FCHO2: variants seen among roughly 807,000 people sequenced by gnomAD.
The protein encoded by FCHO2 is FCH and mu domain containing endocytic adaptor 2.
A neutral mutation model predicts 114.1 loss-of-function variants in FCHO2; 43 were observed. That is an observed-to-expected ratio of 0.38 (90% CI 0.30 to 0.49). The LOEUF (loss-of-function observed/expected upper bound fraction) is 0.49, where lower values mean the gene tolerates loss of function less well. Ranked by LOEUF, FCHO2 falls within the 20% of genes least tolerant of loss-of-function variation. FCHO2 has a pLI of 0.97. For synonymous variants in FCHO2, 293 were observed against 315.2 expected, an observed-to-expected ratio of 0.93 and a Z score of 0.75; for missense variants, 807 against 950.4, an observed-to-expected ratio of 0.85 and a Z score of 1.98.
In FCHO2 at chr5:73,074,722, G is replaced by A. The variant is rs762091404; in HGVS notation, c.1580-20G>A. Reference sequence around the variant, plus strand: ...TATGTCTTTCTGAAGGATTTAACAAGTTAATTGTGTATATTCTAGGTGTGT... The same window carrying A: ...TATGTCTTTCTGAAGGATTTAACAAATTAATTGTGTATATTCTAGGTGTGT... On this transcript the variant is annotated intron_variant, in intron 19 of 25. Coordinates refer to ENST00000430046, the MANE Select transcript of FCHO2 (RefSeq NM_138782.3). The A allele has an allele frequency of 2.5e-6, 4 of 1,596,182 alleles. No individual in the cohort carries two copies. Among genetic ancestry groups the A allele is most frequent in the Non-Finnish European group, 2.6e-6 (3 of 1,167,664 alleles).
At chr5:73,050,423 A>G (rs1457502708) in intron 11 of FCHO2, among the ~76,000 whole-genome samples, 2 of 151,796 alleles carry the variant, frequency 1.3e-5, no homozygotes, top group African/African-American at 4.8e-5. Context: ...GGTTCAAGCA[A>G]TTCTCCAGCC....
At chr5:72,994,283 T>A (rs979316277) in intron 5 of FCHO2, among the ~76,000 whole-genome samples, 9 of 152,092 alleles carry the variant, frequency 5.9e-5, no homozygotes, top group South Asian at 2.1e-4. Context: ...CTTAAACAAA[T>A]TTACAAGAGA....
intron 5 of FCHO2, among the ~76,000 whole-genome samples, chr5:72,998,026 T>A (rs1425230564): frequency 6.6e-6 from 1 of 151,604 alleles, no homozygotes; most frequent in Non-Finnish European, 1.5e-5. Context: ...TTTTTTTTTT[T>A]CTAAACTCTT....
At chr5:73,015,293 C>T (rs1191640591) in intron 6 of FCHO2, among the ~76,000 whole-genome samples, 3 of 150,282 alleles carry the variant, frequency 2.0e-5, no homozygotes, top group East Asian at 2.0e-4. Flanking sequence ...GACGGAGTCT[C>T]GCTCTGTCGC....
intron 19 of FCHO2, among the ~76,000 whole-genome samples, chr5:73,070,611 TTG>T (rs981139354): frequency 1.3e-5 from 2 of 151,724 alleles, no homozygotes; most frequent in Non-Finnish European, 2.9e-5. Context: ...TCAGGAGGTT[TTG>T]TGTTTGTGAT....
At chr5:73,011,801 C>T (rs181013951) in intron 6 of FCHO2, among the ~76,000 whole-genome samples, 66 of 151,982 alleles carry the variant, frequency 4.3e-4, no homozygotes, top group South Asian at 1.0e-3. Context: ...ATCCTAGCTG[C>T]GTGGGAGGCT....
intron 8 of FCHO2, chr5:73,020,892 G>A: frequency 1.7e-6 from 2 of 1,184,056 alleles, no homozygotes; most frequent in Non-Finnish European, 2.5e-6. Context: ...GCTCACCACG[G>A]GAGAGCTTAT....
chr5:73,018,330 G>A (rs991580069), intron 8 of FCHO2, among the ~76,000 whole-genome samples: 1 of 152,074 alleles, frequency 6.6e-6, no homozygotes, highest in African/African-American at 2.4e-5. Flanking sequence ...TACTGGTACA[G>A]CAGACGTTTC....
chr5:73,059,903 T>C (rs1014580241), intron 17 of FCHO2, among the ~76,000 whole-genome samples: 5 of 152,024 alleles, frequency 3.3e-5, no homozygotes, highest in Non-Finnish European at 7.4e-5. Context: ...CAGAATGGCA[T>C]TTTGTATTTA....
chr5:72,993,568 A>AT (rs201964065), intron 5 of FCHO2, among the ~76,000 whole-genome samples: 50 of 151,626 alleles, frequency 3.3e-4, no homozygotes, highest in Middle Eastern at 6.8e-3. Flanking sequence ...GAAAATGGGT[A>AT]TTTTTTTTTC....
intron 8 of FCHO2, among the ~76,000 whole-genome samples, chr5:73,029,488 A>G (rs1756114604): frequency 6.6e-6 from 1 of 152,204 alleles, no homozygotes; most frequent in South Asian, 2.1e-4. Flanking sequence ...TTGATTTAAG[A>G]CTATAGTTTC....
At chr5:73,081,660 C>A in intron 22 of FCHO2, 123 bp from the exon 23 acceptor site, 1 of 622,672 alleles carries the variant, frequency 1.6e-6, no homozygotes, top group Non-Finnish European at 2.5e-6. Flanking sequence ...ACTCTGCCAA[C>A]AGATAGTCCC....
At chr5:73,065,136 A>G (rs1758004356) in intron 18 of FCHO2, among the ~76,000 whole-genome samples, 1 of 152,022 alleles carries the variant, frequency 6.6e-6, no homozygotes. Flanking sequence ...TTTCCGAATG[A>G]ACAGACTTAG....
intron 10 of FCHO2, among the ~76,000 whole-genome samples, chr5:73,039,280 TC>T (rs2112805511): frequency 6.6e-6 from 1 of 152,324 alleles, no homozygotes; most frequent in Admixed American, 6.5e-5. Flanking sequence ...AGCTTCCTCT[TC>T]CTGGAGCTTC....
At chr5:73,058,001 T>A (rs947117960) in intron 16 of FCHO2, among the ~76,000 whole-genome samples, 6 of 152,128 alleles carry the variant, frequency 3.9e-5, no homozygotes, top group Non-Finnish European at 7.4e-5. Context: ...GTATCCAACT[T>A]TTAAATTAAA....
At position 73,078,276 on chromosome 5, in the gene FCHO2, T is replaced by C; in HGVS notation, c.1944T>C (p.Ala648=). 6.2e-7 allele frequency: 1 copy of C among 1,601,912 alleles called. No individual in the cohort carries two copies. Among genetic ancestry groups the C allele is most frequent in the Non-Finnish European group, 8.5e-7 (1 of 1,174,222 alleles). The part of the protein sequence containing the change: ...YLKKLSEQNP[A]ASYYNVDVLK... The stretch of plus-strand genomic sequence containing the variant: ...AGAAGCTGTCAGAGCAAAATCCAGC[T>C]GCTTCTTATTATAATGTAGATGTAT... The change falls in exon 22 of 26, where the codon GCT becomes GCC. Residue 648 remains alanine (A), a synonymous_variant. Coordinates refer to ENST00000430046, the MANE Select transcript of FCHO2 (RefSeq NM_138782.3).
Position 73,088,269 on chromosome 5 carries a change from A to T in FCHO2, c.*179A>T, listed in dbSNP as rs1743376159. ...AGTCATTGAAATAAATAGTACTGAA[A>T]TGATTCTCTATGTTGTAAATGATCA... On this transcript the variant is annotated 3_prime_UTR_variant, in exon 26 of 26. Transcript: ENST00000430046. 2 of 673,612 alleles carry T rather than the reference A, an allele frequency of 3.0e-6. No homozygotes were observed. The highest frequency in any genetic ancestry group is 3.6e-5 in the African/African-American group (2 of 55,476). 41.7% of individuals were successfully genotyped at this position (673,612 alleles called of 1,614,324 possible). A position where few individuals can be genotyped will look rare whatever the true frequency, so the allele number is the denominator to read the frequency against.
chr5:73,062,187 G>T (rs1360647177), intron 17 of FCHO2, among the ~76,000 whole-genome samples: 1 of 152,040 alleles, frequency 6.6e-6, no homozygotes, highest in African/African-American at 2.4e-5. Flanking sequence ...GTAAACAATT[G>T]CAGTTATCTC....
chr5:73,026,552 C>G (rs996128632), intron 8 of FCHO2, among the ~76,000 whole-genome samples: 1 of 151,950 alleles, frequency 6.6e-6, no homozygotes, highest in Admixed American at 6.6e-5. Flanking sequence ...AGTCAGTTAT[C>G]TATTGAAAGA....
Sources: gnomAD v4.1 joint callset for allele counts (sites outside exome capture counted in the v4.1 genomes callset) on GRCh38, gnomAD v4.1.1 for gene constraint, MANE v1.5 for transcripts, NCBI Gene and HGNC (gene_info 2026-07-23, HGNC 2026-07-21) for gene names.